The following SEMA6D variants were observed in gnomAD, a reference collection of about 807,000 sequenced individuals.
SEMA6D encodes the protein semaphorin-6D.
Under a neutral mutation model 106.6 loss-of-function variants are expected in SEMA6D, and 35 were observed. The ratio of observed to expected loss-of-function variants is 0.33; its 90% CI spans 0.25 to 0.44. The LOEUF is 0.44. Ranked by LOEUF, SEMA6D falls within the 20% of genes least tolerant of loss-of-function variation. SEMA6D has a pLI of 1.00. For synonymous variants in SEMA6D, 499 were observed against 487.7 expected (o/e 1.02, Z -0.31); for missense variants, 1,185 against 1,345.9 (o/e 0.88, Z 1.87).
chr15:47,659,157 G>A (rs1330432524), intron 4 of SEMA6D, among the ~76,000 whole-genome samples: 1 of 151,846 alleles, frequency 6.6e-6, no homozygotes, highest in Non-Finnish European at 1.5e-5. Context: ...AATAGTCAGA[G>A]CATTTCCAAA....
intron 18 of SEMA6D, among the ~76,000 whole-genome samples, chr15:47,769,868 G>C (rs992283914): frequency 6.6e-6 from 1 of 151,770 alleles, no homozygotes; most frequent in African/African-American, 2.4e-5. Flanking sequence ...TCCTTAGACT[G>C]TCTGGGTTTC....
intron 1 of SEMA6D, among the ~76,000 whole-genome samples, chr15:47,407,384 AAAAC>A (rs2040615189): frequency 6.8e-6 from 1 of 147,674 alleles, no homozygotes; most frequent in South Asian, 2.1e-4. Flanking sequence ...AAAAAAAAAA[AAAAC>A]CAAAACAACA....
chr15:47,268,917 C>T (rs1003215265), intron 1 of SEMA6D, among the ~76,000 whole-genome samples: 1 of 151,882 alleles, frequency 6.6e-6, no homozygotes, highest in African/African-American at 2.4e-5. Flanking sequence ...TTAATAGGGG[C>T]TTGGTTAGAG....
At chr15:47,353,394 A>T (rs2038406661) in intron 1 of SEMA6D, among the ~76,000 whole-genome samples, 1 of 152,194 alleles carries the variant, frequency 6.6e-6, no homozygotes, top group Non-Finnish European at 1.5e-5. Context: ...ATGGTAGAAC[A>T]TGATTTTTCT....
intron 3 of SEMA6D, among the ~76,000 whole-genome samples, chr15:47,522,702 G>A (rs1416614667): frequency 6.6e-6 from 1 of 152,202 alleles, no homozygotes; most frequent in Non-Finnish European, 1.5e-5. Flanking sequence ...TGTGGCCTTT[G>A]TGTGGTCTCT....
At chr15:47,421,005 G>C (rs113055407) in intron 2 of SEMA6D, among the ~76,000 whole-genome samples, 1 of 152,236 alleles carries the variant, frequency 6.6e-6, no homozygotes, top group African/African-American at 2.4e-5. Context: ...TTACAATGTA[G>C]AGATATTGCA....
chr15:47,635,877 G>T (rs1192525529), intron 4 of SEMA6D, among the ~76,000 whole-genome samples: 2 of 150,980 alleles, frequency 1.3e-5, no homozygotes, highest in Non-Finnish European at 2.9e-5. Flanking sequence ...CAAGGTGAGA[G>T]TCAGAAATTC....
chr15:47,773,991 A>T lies in SEMA6D; in HGVS notation c.*2206A>T, dbSNP rs1425099417. 1 of 152,630 alleles carries T rather than the reference A, an allele frequency of 6.6e-6. No individual in the cohort carries two copies. The highest frequency in any genetic ancestry group is 1.5e-5 in the Non-Finnish European group (1 of 68,038). The allele number at this position is 152,630 out of a possible 1,614,324, so 9.5% of individuals were successfully genotyped here. ...CATTAAATCTAGTCTCTATCCTGTTAATTTAATTTTTAAATGCTTTATCCA... is the reference window on the plus strand; with the variant it reads ...CATTAAATCTAGTCTCTATCCTGTTTATTTAATTTTTAAATGCTTTATCCA... On this transcript the variant is annotated 3_prime_UTR_variant, in exon 19 of 19. Transcript: ENST00000536845.
intron 3 of SEMA6D, among the ~76,000 whole-genome samples, chr15:47,511,227 C>T (rs1405094077): frequency 6.6e-6 from 1 of 152,108 alleles, no homozygotes; most frequent in African/African-American, 2.4e-5. Flanking sequence ...ATTCCTCATA[C>T]TTGTTGGGAA....
At chr15:47,452,086 C>G (rs1242412141) in intron 2 of SEMA6D, among the ~76,000 whole-genome samples, 1 of 151,974 alleles carries the variant, frequency 6.6e-6, no homozygotes, top group African/African-American at 2.4e-5. Flanking sequence ...GGATAACTCC[C>G]CTACTAACCT....
chr15:47,327,744 T>A (rs952910124), intron 1 of SEMA6D, among the ~76,000 whole-genome samples: 2 of 152,176 alleles, frequency 1.3e-5, no homozygotes, highest in African/African-American at 4.8e-5. Flanking sequence ...GTAGTGGTGC[T>A]TCTCTCTATG....
At chr15:47,209,316 T>A (rs1895326935) in intron 1 of SEMA6D, among the ~76,000 whole-genome samples, 1 of 152,168 alleles carries the variant, frequency 6.6e-6, no homozygotes, top group African/African-American at 2.4e-5. Flanking sequence ...GAGAATATAG[T>A]ATAAAATGCT....
intron 3 of SEMA6D, among the ~76,000 whole-genome samples, chr15:47,538,044 GA>G (rs879356180): frequency 3.3e-5 from 5 of 152,202 alleles, no homozygotes; most frequent in Admixed American, 6.5e-5. Context: ...GATTCAGAAA[GA>G]AGCAAGGCAG....
Position 47,764,994 on chromosome 15 carries a change from C to G in SEMA6D, c.1365C>G (p.Thr455=). Residue 455 remains threonine (T), a synonymous_variant, in exon 13 of 19, where the codon ACC becomes ACG. Coordinates refer to ENST00000536845, the MANE Select transcript of SEMA6D (RefSeq NM_001358351.3). ...AGMVLKVLAK[T]SPFSLNDSVL... ...TGGTACTTAAAGTTCTGGCAAAGAC[C>G]AGTCCTTTCTCTTTGAACGACAGCG... The G allele has an allele frequency of 1.2e-6, 2 of 1,613,910 alleles. No individual in the cohort carries two copies. The highest frequency in any genetic ancestry group is 1.7e-6 in the Non-Finnish European group (2 of 1,179,832).
At chr15:47,505,971 G>C (rs1174409950) in intron 3 of SEMA6D, among the ~76,000 whole-genome samples, 1 of 151,512 alleles carries the variant, frequency 6.6e-6, no homozygotes, top group African/African-American at 2.4e-5. Context: ...GGAGAAGTCA[G>C]GGGGTGGAGG....
At chr15:47,695,959 T>G (rs1296584929) in intron 4 of SEMA6D, among the ~76,000 whole-genome samples, 1 of 152,192 alleles carries the variant, frequency 6.6e-6, no homozygotes, top group African/African-American at 2.4e-5. Flanking sequence ...TTAAAACATT[T>G]AAAACAGTTT....
At position 47,516,137 on chromosome 15, in the gene SEMA6D, T is replaced by C. The variant is rs184886547; in HGVS notation, c.-87+45592T>C. The stretch of plus-strand genomic sequence containing the variant: ...GATGGCTTTTGTTATGGGAGCAACA[T>C]TGTTGTTTATAATGACTCTGCACAT... On this transcript the variant is annotated intron_variant, in intron 3 of 19. Transcript: ENST00000558014. Among the ~76,000 whole-genome samples the C allele has an allele frequency of 5.5e-3, 840 of 152,240 alleles. 6 individuals carry two copies. The highest frequency in any genetic ancestry group is 0.015 in the Admixed American group (222 of 15,282).
chr15:47,755,808 A>G (rs1406187302), intron 1 of SEMA6D, among the ~76,000 whole-genome samples: 1 of 150,216 alleles, frequency 6.7e-6, no homozygotes, highest in Non-Finnish European at 1.5e-5. Flanking sequence ...GTATGAAATT[A>G]GCAAATATAA....
intron 1 of SEMA6D, among the ~76,000 whole-genome samples, chr15:47,249,084 C>T (rs1236517747): frequency 2.0e-5 from 3 of 152,010 alleles, no homozygotes; most frequent in Non-Finnish European, 4.4e-5. Context: ...AAACATTAGC[C>T]GGCCATGATG....
Sources: allele counts gnomAD v4.1 joint callset (sites outside exome capture counted in the v4.1 genomes callset), GRCh38; gene constraint gnomAD v4.1.1; transcripts MANE v1.5; gene names NCBI Gene and HGNC (gene_info 2026-07-23, HGNC 2026-07-21).